Variants in RADX observed in about 807,000 individuals in gnomAD.
The protein encoded by RADX is RPA-related protein RADX.
RADX carries 36 observed loss-of-function variants against 61.6 expected under a neutral mutation model. The observed-to-expected ratio is 0.58, with a 90% CI of 0.45 to 0.77. The LOEUF is 0.77. Ranked by LOEUF, RADX falls within the 30% of genes least tolerant of loss-of-function variation. The probability of loss-of-function intolerance (pLI) is 0.00; values close to 1 mark genes in which losing one functional copy is unlikely to be tolerated. For missense variants in RADX, 497 were observed against 651.1 expected, an observed-to-expected ratio of 0.76 and a Z score of 2.58; for synonymous variants, 272 against 237.9, an observed-to-expected ratio of 1.14 and a Z score of -1.32.
In RADX at chrX:106,632,935, A is replaced by G; in HGVS notation, c.1092A>G (p.Ser364=). 1.7e-6 allele frequency: 2 copies of G among 1,201,330 alleles called. No homozygotes were observed. The highest frequency in any genetic ancestry group is 2.3e-6 in the Non-Finnish European group (2 of 886,924). Residue 364 remains serine (S), a synonymous_variant, in exon 5 of 14, where the codon TCA becomes TCG. Coordinates refer to ENST00000372548, the MANE Select transcript of RADX (RefSeq NM_018015.6). Reference sequence around the variant, plus strand: ...TTTAGTGATTTTACCTTTTTAGGTCAGAACTGGATGATATGCCAGAAAATT... The same window carrying G: ...TTTAGTGATTTTACCTTTTTAGGTCGGAACTGGATGATATGCCAGAAAATT... The part of the protein sequence containing the change: ...PKLNHRFTTR[S]ELDDMPENCI...
chrX:106,613,425 GT>G lies in RADX; in HGVS notation c.643+710del, dbSNP rs765687748. On this transcript the variant is annotated intron_variant, in intron 1 of 13. Transcript: ENST00000372548. ...GCCATCAGCAACTGCTCTAAAATACGTTTTTTTTCTCTAACAGATGAAATTA... is the reference window on the plus strand; with the variant it reads ...GCCATCAGCAACTGCTCTAAAATACGTTTTTTTCTCTAACAGATGAAATTA... Among the ~76,000 whole-genome samples, 319 of 110,968 alleles carry G rather than the reference GT, an allele frequency of 2.9e-3. 2 individuals are homozygous for G. Among genetic ancestry groups the G allele is most frequent in the Non-Finnish European group, 4.5e-3 (239 of 52,860 alleles).
chrX:106,639,835 A>G (rs1253225863), intron 9 of RADX, 148 bp downstream of exon 9: 2 of 398,352 alleles, frequency 5.0e-6, no homozygotes, highest in Non-Finnish European at 7.8e-6. Context: ...TGCAAAAGGC[A>G]TTGTGGTTTT....
At chrX:106,638,410 C>T (rs961387748) in intron 8 of RADX, 4 of 110,894 alleles carry the variant, frequency 3.6e-5, no homozygotes, top group African/African-American at 1.3e-4. Context: ...CTACAGGCGC[C>T]CGCCACTACG....
Position 106,648,507 on chromosome X carries a change from A to G in RADX, c.1978+121A>G, listed in dbSNP as rs1927718842. ...TTAGAATGTATACTTTGCATATAGT[A>G]ATATTAGCTTAGGTCACTGTCAAAA... On this transcript the variant is annotated intron_variant, in intron 11 of 13. Transcript: ENST00000372548. 3.4e-5 allele frequency: 16 copies of G among 476,580 alleles called. No homozygotes were observed. The South Asian group carries it at 6.3e-4, about 19-fold the overall frequency. The allele number at this position is 476,580 out of a possible 1,213,427, so 39.3% of individuals were successfully genotyped here.
At chrX:106,641,820 A>G (rs943024949) in intron 10 of RADX, among the ~76,000 whole-genome samples, 6 of 111,087 alleles carry the variant, frequency 5.4e-5, no homozygotes, top group African/African-American at 2.0e-4. Context: ...TCATTCTTCC[A>G]TTTTCCTGAA....
At chrX:106,651,263 C>T (rs959809168) in intron 11 of RADX, among the ~76,000 whole-genome samples, 14 of 110,981 alleles carry the variant, frequency 1.3e-4, no homozygotes, top group East Asian at 2.8e-4. Context: ...CAAAATTAGA[C>T]GGAAAAATTT....
At chrX:106,642,132 A>G (rs1020828433) in intron 10 of RADX, among the ~76,000 whole-genome samples, 2 of 108,979 alleles carry the variant, frequency 1.8e-5, no homozygotes, top group African/African-American at 6.6e-5. Context: ...GGGTACATTT[A>G]GTAGGTATAT....
At chrX:106,678,028 T>C in intron 13 of RADX, 100 bp from the exon 14 acceptor site, 1 of 521,886 alleles carries the variant, frequency 1.9e-6, no homozygotes, top group Non-Finnish European at 3.1e-6. Flanking sequence ...TGGGGCACAG[T>C]GTTAATATTA....
chrX:106,643,883 A>T (rs2147626477), intron 10 of RADX, among the ~76,000 whole-genome samples: 1 of 111,446 alleles, frequency 9.0e-6, no homozygotes, highest in East Asian at 2.8e-4. Flanking sequence ...TAGACATTGT[A>T]ATAAATTGAT....
chrX:106,651,880 C>T (rs1245706350), intron 11 of RADX, among the ~76,000 whole-genome samples: 3 of 110,169 alleles, frequency 2.7e-5, no homozygotes, highest in African/African-American at 9.9e-5. Context: ...AAAGAAAAAG[C>T]ATGATTAAGA....
chrX:106,678,200 GTAA>G lies in RADX; in HGVS notation c.2517_2519del (p.Asn839del). On this transcript the variant is annotated inframe_deletion, in exon 14 of 14. Coordinates refer to ENST00000372548, the MANE Select transcript of RADX (RefSeq NM_018015.6). ...GGTATCTTGGATATCTGTAATTTGGGTAATAATAAAGTGGAAGTCTATTTGCAC... is the reference window on the plus strand; with the variant it reads ...GGTATCTTGGATATCTGTAATTTGGGTAATAAAGTGGAAGTCTATTTGCAC... 6.8e-6 allele frequency: 8 copies of G among 1,168,330 alleles called. No individual in the cohort carries two copies. Among genetic ancestry groups the G allele is most frequent in the Non-Finnish European group, 9.3e-6 (8 of 856,712 alleles).
In RADX at chrX:106,622,777, T is replaced by C; in HGVS notation, c.770T>C (p.Met257Thr). ...TACTATGGAAAACCTGATAAAAAGA[T>C]GATTGAACCATATCAGGTACAAGTA... is the stretch of plus-strand genomic sequence containing the variant. ...LRYYGKPDKKMIEPYQTFLEV... is the reference protein window; with the variant it reads ...LRYYGKPDKKTIEPYQTFLEV... Residue 257 changes from methionine (M) to threonine (T), a missense_variant, in exon 2 of 14, where the codon ATG becomes ACG. By Grantham distance (81) the Met-to-Thr change is moderately conservative (BLOSUM62 -1). Coordinates refer to ENST00000372548, the MANE Select transcript of RADX (RefSeq NM_018015.6). 8.6e-7 allele frequency: 1 copy of C among 1,169,383 alleles called. No individual in the cohort carries two copies. Among genetic ancestry groups the C allele is most frequent in the Non-Finnish European group, 1.1e-6 (1 of 869,816 alleles).
intron 3 of RADX, 147 bp from the exon 4 acceptor site, chrX:106,632,478 G>A: frequency 2.9e-6 from 1 of 346,557 alleles, no homozygotes; most frequent in Non-Finnish European, 5.1e-6. Context: ...GATAATGGAG[G>A]TAGAAGAACA....
At chrX:106,669,086 T>G in intron 12 of RADX, 77 bp from the exon 13 acceptor site, 1 of 818,080 alleles carries the variant, frequency 1.2e-6, no homozygotes, top group Non-Finnish European at 1.8e-6. Flanking sequence ...CATGTTGGGA[T>G]CAAACCAGCA....
At chrX:106,661,386 G>C (rs767694583) in intron 11 of RADX, among the ~76,000 whole-genome samples, 3 of 92,095 alleles carry the variant, frequency 3.3e-5, no homozygotes, top group East Asian at 6.4e-4. Flanking sequence ...TTTTTTTTTG[G>C]TTTTTTTGTT....
chrX:106,669,058 A>G, intron 12 of RADX, 105 bp from the exon 13 acceptor site: 1 of 614,385 alleles, frequency 1.6e-6, no homozygotes, highest in Admixed American at 2.9e-5. Flanking sequence ...GTTTTTTCAG[A>G]TCTAAAGCTA....
At chrX:106,614,277 A>C (rs755576515) in intron 1 of RADX, among the ~76,000 whole-genome samples, 2 of 111,973 alleles carry the variant, frequency 1.8e-5, no homozygotes, top group South Asian at 7.4e-4. Flanking sequence ...TTTAAAAAAA[A>C]GGAATTAATG....
chrX:106,652,043 A>G (rs1174602331), intron 11 of RADX, among the ~76,000 whole-genome samples: 1 of 110,713 alleles, frequency 9.0e-6, no homozygotes, highest in Non-Finnish European at 1.9e-5. Context: ...ATAAAACACA[A>G]AATGATATAG....
At chrX:106,620,244 A>C (rs773772644) in intron 1 of RADX, among the ~76,000 whole-genome samples, 1 of 112,316 alleles carries the variant, frequency 8.9e-6, no homozygotes, top group African/African-American at 3.2e-5. Context: ...TTCTCACTAC[A>C]TTATTTTTTG....
Sources: gnomAD v4.1 joint callset for allele counts (sites outside exome capture counted in the v4.1 genomes callset) on GRCh38, gnomAD v4.1.1 for gene constraint, MANE v1.5 for transcripts, NCBI Gene and HGNC (gene_info 2026-07-23, HGNC 2026-07-21) for gene names.